DGKK: variants seen among roughly 807,000 people sequenced by gnomAD.
DGKK encodes the protein 142 kDa diacylglycerol kinase.
DGKK carries 35 observed loss-of-function variants against 92.2 expected under a neutral mutation model. The ratio of observed to expected loss-of-function variants is 0.38; its 90% confidence interval spans 0.29 to 0.50. The LOEUF is 0.50. Ranked by LOEUF, DGKK falls within the 20% of genes least tolerant of loss-of-function variation. The pLI is 0.92. For missense variants in DGKK, 910 were observed against 992.2 expected, an observed-to-expected ratio of 0.92 and a Z score of 1.11; for synonymous variants, 368 against 360.6, an observed-to-expected ratio of 1.02 and a Z score of -0.23.
At position 50,368,712 on chromosome X, in the gene DGKK, A is replaced by C. The variant is rs986311158; in HGVS notation, c.*228T>G. On this transcript the variant is annotated 3_prime_UTR_variant, in exon 28 of 28. Coordinates refer to ENST00000611977, the MANE Select transcript of DGKK (RefSeq NM_001013742.4). ...TTGCTCAAGATGCACAAAGAGAAGGAGAACTGAACAAGACAACTCGGAACA... is the reference window on the plus strand; with the variant it reads ...TTGCTCAAGATGCACAAAGAGAAGGCGAACTGAACAAGACAACTCGGAACA... The C allele has an allele frequency of 6.6e-5, 23 of 350,025 alleles. No homozygotes were observed. The highest frequency in any genetic ancestry group is 7.8e-4 in the Middle Eastern group (1 of 1,290). 28.8% of individuals were successfully genotyped at this position (350,025 alleles called of 1,213,427 possible).
intron 4 of DGKK, among the ~76,000 whole-genome samples, chrX:50,412,447 C>A (rs1487416335): frequency 8.9e-6 from 1 of 111,737 alleles, no homozygotes; most frequent in African/African-American, 3.3e-5. Context: ...TTTTGAACAC[C>A]TTTCCTCTAA....
chrX:50,413,584 C>T (rs911175317), intron 4 of DGKK, among the ~76,000 whole-genome samples: 3 of 111,653 alleles, frequency 2.7e-5, no homozygotes, highest in African/African-American at 9.8e-5. Flanking sequence ...ATACAAATGG[C>T]CAATATGTAC....
rs782064306 is a variant in DGKK at position 50,401,005 on chromosome X, T to C, written c.1411+32A>G. On this transcript the variant is annotated intron_variant, in intron 8 of 27. Coordinates refer to ENST00000611977, the MANE Select transcript of DGKK (RefSeq NM_001013742.4). Reference sequence around the variant, plus strand: ...CTTTGCACCTTCCCTACATGCCCAATGTGCTTCTGAGGTTAAGATTTAACT... The same window carrying C: ...CTTTGCACCTTCCCTACATGCCCAACGTGCTTCTGAGGTTAAGATTTAACT... 3.5e-6 allele frequency: 4 copies of C among 1,147,962 alleles called. No individual in the cohort carries two copies. In the East Asian group the frequency reaches 1.3e-4, roughly 36 times the overall value. The allele number at this position is 1,147,962 out of a possible 1,213,427, so 94.6% of individuals were successfully genotyped here. A position where few individuals can be genotyped will look rare whatever the true frequency, so the allele number is the denominator to read the frequency against.
chrX:50,372,568 A>G (rs1924167344), intron 25 of DGKK, among the ~76,000 whole-genome samples: 1 of 112,206 alleles, frequency 8.9e-6, no homozygotes, highest in Admixed American at 9.4e-5. Context: ...GCCCCCAGCT[A>G]TCACTATGAC....
At chrX:50,427,327 A>T (rs1335143692) in intron 1 of DGKK, among the ~76,000 whole-genome samples, 1 of 110,741 alleles carries the variant, frequency 9.0e-6, no homozygotes, top group Non-Finnish European at 1.9e-5. Flanking sequence ...GTAAAAAAAC[A>T]CAGTGGCTGC....
At position 50,470,585 on chromosome X, in the gene DGKK, G is replaced by GCGGCCGTGGCGGCGT; in HGVS notation, c.93_94insACGCCGCCACGGCCG (p.Pro31_Pro32insThrProProArgPro). 1.7e-6 allele frequency: 2 copies of GCGGCCGTGGCGGCGT among 1,195,651 alleles called. No homozygotes were observed. Among genetic ancestry groups the GCGGCCGTGGCGGCGT allele is most frequent in the Non-Finnish European group, 2.2e-6 (2 of 890,372 alleles). ...GGCGGAGCCGGTGGTGGTGGCGGCG[G>GCGGCCGTGGCGGCGT]CGGCCAAGGCGGCGGAGGCTCTGGA... On this transcript the variant is annotated inframe_insertion, in exon 1 of 28. Transcript: ENST00000611977.
intron 1 of DGKK, among the ~76,000 whole-genome samples, chrX:50,455,070 G>T (rs1374339667): frequency 8.9e-6 from 1 of 111,810 alleles, no homozygotes; most frequent in African/African-American, 3.3e-5. Flanking sequence ...GACCTACTAG[G>T]TCTTCAGTTC....
intron 15 of DGKK, 131 bp downstream of exon 15, chrX:50,386,227 A>G: frequency 4.0e-6 from 2 of 497,555 alleles, no homozygotes; most frequent in Non-Finnish European, 6.9e-6. Context: ...CTTTGTATAC[A>G]ATATGAATGC....
chrX:50,369,516 C>A (rs1292957058), intron 27 of DGKK, among the ~76,000 whole-genome samples: 2 of 101,778 alleles, frequency 2.0e-5, no homozygotes, highest in African/African-American at 7.3e-5. Flanking sequence ...CTCTTTTTTT[C>A]TCCCTCCTTC....
intron 1 of DGKK, among the ~76,000 whole-genome samples, chrX:50,442,719 G>C (rs1332308080): frequency 9.0e-6 from 1 of 111,565 alleles, no homozygotes. Context: ...CTGTAGGTTA[G>C]AGGCTCAGGC....
At chrX:50,392,539 C>A in intron 9 of DGKK, 90 bp from the exon 10 acceptor site, 2 of 695,557 alleles carry the variant, frequency 2.9e-6, no homozygotes, top group South Asian at 2.5e-5. Flanking sequence ...AGGATTGCTG[C>A]TTTGGCACTC....
intron 27 of DGKK, among the ~76,000 whole-genome samples, chrX:50,369,508 CT>C (rs1306592765): frequency 1.9e-5 from 2 of 106,315 alleles, no homozygotes; most frequent in East Asian, 3.0e-4. Flanking sequence ...TATTCTTCCT[CT>C]TTTTTTCTCC....
At chrX:50,466,586 C>T (rs1557234003) in intron 1 of DGKK, among the ~76,000 whole-genome samples, 1 of 111,646 alleles carries the variant, frequency 9.0e-6, no homozygotes, top group Non-Finnish European at 1.9e-5. Flanking sequence ...ATTTACTTCT[C>T]ACTCTGAAAC....
intron 1 of DGKK, among the ~76,000 whole-genome samples, chrX:50,435,225 C>T (rs782103971): frequency 8.9e-6 from 1 of 112,619 alleles, no homozygotes; most frequent in African/African-American, 3.2e-5. Context: ...TATTTGGCTA[C>T]AACTCACTCA....
intron 1 of DGKK, among the ~76,000 whole-genome samples, chrX:50,438,119 AAGGGAGATGGC>A: frequency 9.0e-6 from 1 of 110,809 alleles, no homozygotes; most frequent in Non-Finnish European, 1.9e-5. Flanking sequence ...GGGAAGGAGC[AAGGGAGATGGC>A]AGGGGAGAGT....
chrX:50,456,074 G>A (rs1926603744), intron 1 of DGKK, among the ~76,000 whole-genome samples: 1 of 111,588 alleles, frequency 9.0e-6, no homozygotes, highest in Admixed American at 9.5e-5. Flanking sequence ...TCTAGAAAGG[G>A]TAGAAGTTTT....
In DGKK at chrX:50,391,437, C is replaced by G. The variant is rs1557225524; in HGVS notation, c.1844G>C (p.Arg615Thr). The G allele has an allele frequency of 8.3e-7, 1 of 1,208,399 alleles. No homozygotes were observed. The highest frequency in any genetic ancestry group is 1.8e-5 in the African/African-American group (1 of 57,089). The change falls in exon 11 of 28, where the codon AGA becomes ACA. Residue 615 changes from arginine (R) to threonine (T), a missense_variant and splice_region_variant. Arg to Thr is a moderately conservative substitution (Grantham distance 71, BLOSUM62 -1). Transcript: ENST00000611977. ...VEQASVRILD[R>T]WSVMIRETPR... Reference sequence around the variant, plus strand: ...AGGGCCTGGTCTTTCAGCCACTTACCTGTCTAGGATCCTCACACTAGCCTG... The same window carrying G: ...AGGGCCTGGTCTTTCAGCCACTTACGTGTCTAGGATCCTCACACTAGCCTG...
chrX:50,403,388 C>G, intron 6 of DGKK, 103 bp downstream of exon 6: 1 of 900,371 alleles, frequency 1.1e-6, no homozygotes, highest in Non-Finnish European at 1.6e-6. Flanking sequence ...GAGCCTAGGA[C>G]TTTGCTTATC....
chrX:50,462,904 T>C (rs1926791466), intron 1 of DGKK, among the ~76,000 whole-genome samples: 1 of 70,187 alleles, frequency 1.4e-5, no homozygotes, highest in Non-Finnish European at 2.6e-5. Flanking sequence ...TTTTTTTTTT[T>C]TTTTTTTTTT....
Sources: allele counts gnomAD v4.1 joint callset (sites outside exome capture counted in the v4.1 genomes callset), GRCh38; gene constraint gnomAD v4.1.1; transcripts MANE v1.5; gene names NCBI Gene and HGNC (gene_info 2026-07-23, HGNC 2026-07-21).